The following PID1 variants were observed in gnomAD, a reference collection of about 807,000 sequenced individuals.
The protein encoded by PID1 is PTB-containing, cubilin and LRP1-interacting protein.
Under a neutral mutation model 19.1 loss-of-function variants are expected in PID1, and 10 were observed. The ratio of observed to expected loss-of-function variants is 0.52; its 90% CI spans 0.32 to 0.89. The LOEUF (loss-of-function observed/expected upper bound fraction) is 0.89. Among genes scored for constraint, PID1 ranks in the 40% least tolerant of loss-of-function variants. The pLI is 0.03. For missense variants in PID1, 248 were observed against 285.3 expected (o/e 0.87, Z 0.94); for synonymous variants, 130 against 116.0 (o/e 1.12, Z -0.78).
At chr2:229,176,683 C>G (rs1260988797) in intron 1 of PID1, among the ~76,000 whole-genome samples, 1 of 152,122 alleles carries the variant, frequency 6.6e-6, no homozygotes, top group Non-Finnish European at 1.5e-5. Context: ...CCTATGCTCC[C>G]AAATATTTCA....
At chr2:229,212,998 G>A (rs1035864489) in intron 1 of PID1, among the ~76,000 whole-genome samples, 5 of 152,016 alleles carry the variant, frequency 3.3e-5, no homozygotes, top group African/African-American at 1.2e-4. Flanking sequence ...AATTAATGAT[G>A]CTAGAGGAAG....
chr2:229,141,417 T>C (rs1429518779), intron 2 of PID1, among the ~76,000 whole-genome samples: 1 of 152,118 alleles, frequency 6.6e-6, no homozygotes, highest in South Asian at 2.1e-4. Context: ...AAGGGACTTT[T>C]ATCCACAAGC....
intron 1 of PID1, among the ~76,000 whole-genome samples, chr2:229,188,905 A>G (rs1276939827): frequency 6.6e-6 from 1 of 152,178 alleles, no homozygotes; most frequent in East Asian, 1.9e-4. Context: ...CTTTTTAAAT[A>G]TCTATATAAA....
At chr2:229,028,200 C>CTTGCATATACATAATGAG (rs1381398711) in intron 2 of PID1, among the ~76,000 whole-genome samples, 1 of 152,188 alleles carries the variant, frequency 6.6e-6, no homozygotes, top group Non-Finnish European at 1.5e-5. Context: ...TGTTGGAATA[C>CTTGCATATACATAATGAG]TTGCATATAC....
chr2:229,159,825 G>A (rs577628236), intron 1 of PID1, among the ~76,000 whole-genome samples: 5 of 152,110 alleles, frequency 3.3e-5, no homozygotes, highest in East Asian at 3.9e-4. Context: ...CAGAAACTTC[G>A]TAATCTGGAA....
At chr2:229,107,705 T>C (rs6759815) in intron 2 of PID1, among the ~76,000 whole-genome samples, 53,873 of 151,988 alleles carry the variant, frequency 0.35, 10,631 homozygotes, top group Middle Eastern at 0.51. Flanking sequence ...GAAAATAATT[T>C]GGCTTTAAAG....
chr2:229,075,345 A>G (rs888228567), intron 2 of PID1, among the ~76,000 whole-genome samples: 4 of 152,228 alleles, frequency 2.6e-5, no homozygotes, highest in East Asian at 1.9e-4. Flanking sequence ...TTTTATCTAC[A>G]TTAGTATTCT....
intron 1 of PID1, among the ~76,000 whole-genome samples, chr2:229,254,107 T>C (rs542684331): frequency 3.1e-4 from 47 of 152,242 alleles, no homozygotes; most frequent in African/African-American, 1.1e-3. Flanking sequence ...CAATCTAGTT[T>C]GGGTCACACA....
chr2:229,036,881 T>C (rs979756681), intron 2 of PID1, among the ~76,000 whole-genome samples: 7 of 152,254 alleles, frequency 4.6e-5, no homozygotes, highest in Non-Finnish European at 1.0e-4. Flanking sequence ...AATGTCTGCT[T>C]AGCCAGGTTA....
In PID1 at chr2:229,046,981, A is replaced by G. The variant is rs561484841; in HGVS notation, c.178-20873T>C. ...AAATAATGTGGCAAGATCTCCTACC[A>G]TCTTGATAGCTGCAAAATAGCTCCC... On this transcript the variant is annotated intron_variant, in intron 2 of 2. Coordinates refer to ENST00000392055, the MANE Select transcript of PID1 (RefSeq NM_001100818.2). Among the ~76,000 whole-genome samples, 6 of 152,310 alleles carry G rather than the reference A, an allele frequency of 3.9e-5. No homozygotes were observed. In the South Asian group the frequency reaches 1.2e-3, roughly 32 times the overall value.
chr2:229,033,984 C>A (rs1210840515), intron 2 of PID1, among the ~76,000 whole-genome samples: 1 of 152,164 alleles, frequency 6.6e-6, no homozygotes, highest in Non-Finnish European at 1.5e-5. Flanking sequence ...TTCTTGCTGG[C>A]CACAGAGGCA....
At position 229,064,438 on chromosome 2, in the gene PID1, T is replaced by C. The variant is rs1185504241; in HGVS notation, c.178-38330A>G. Among the ~76,000 whole-genome samples the C allele has an allele frequency of 4.6e-5, 7 of 152,156 alleles. No homozygotes were observed. The East Asian group carries it at 1.3e-3, about 29-fold the overall frequency. On this transcript the variant is annotated intron_variant, in intron 2 of 2. Coordinates refer to ENST00000392055, the MANE Select transcript of PID1 (RefSeq NM_001100818.2). ...AATTAAGTTTTGGATGAGATGAGTTTGTTTATCAGCCATGAAGTTTAGGGC... is the reference window on the plus strand; with the variant it reads ...AATTAAGTTTTGGATGAGATGAGTTCGTTTATCAGCCATGAAGTTTAGGGC...
intron 1 of PID1, among the ~76,000 whole-genome samples, chr2:229,194,788 G>C (rs1388298266): frequency 1.3e-5 from 2 of 151,850 alleles, no homozygotes; most frequent in Non-Finnish European, 2.9e-5. Flanking sequence ...CTGCCTGATA[G>C]GATATTTTAG....
At chr2:229,233,579 C>T (rs1482964525) in intron 1 of PID1, among the ~76,000 whole-genome samples, 1 of 151,968 alleles carries the variant, frequency 6.6e-6, no homozygotes, top group Admixed American at 6.6e-5. Context: ...GCAACCTCCA[C>T]CTCCCGGGTT....
chr2:229,243,032 C>T (rs10445741), intron 1 of PID1, among the ~76,000 whole-genome samples: 71,122 of 151,858 alleles, frequency 0.47, 17,021 homozygotes, highest in African/African-American at 0.52. Context: ...AAGATATACC[C>T]AAGACTGGGC....
At chr2:229,193,669 T>C (rs957437529) in intron 1 of PID1, among the ~76,000 whole-genome samples, 2 of 151,998 alleles carry the variant, frequency 1.3e-5, no homozygotes, top group Non-Finnish European at 2.9e-5. Context: ...TTATGTCGTG[T>C]GTGTGAGTGT....
At chr2:229,227,800 C>T (rs1419943) in intron 1 of PID1, among the ~76,000 whole-genome samples, 41,850 of 151,840 alleles carry the variant, frequency 0.28, 6,543 homozygotes, top group East Asian at 0.65. Context: ...TGAACAGGTA[C>T]AGACTTTTTT....
intron 1 of PID1, among the ~76,000 whole-genome samples, chr2:229,218,288 C>A (rs1691890140): frequency 1.9e-5 from 1 of 53,816 alleles, no homozygotes; most frequent in Non-Finnish European, 3.3e-5. Context: ...ATTTTGTTTC[C>A]TGAGCAAAAA....
At chr2:229,227,163 C>G (rs2106263538) in intron 1 of PID1, among the ~76,000 whole-genome samples, 1 of 152,302 alleles carries the variant, frequency 6.6e-6, no homozygotes, top group South Asian at 2.1e-4. Flanking sequence ...GTCAACCTTC[C>G]TCTCCTCGAT....
Sources: gnomAD v4.1 joint callset for allele counts (sites outside exome capture counted in the v4.1 genomes callset) on GRCh38, gnomAD v4.1.1 for gene constraint, MANE v1.5 for transcripts, NCBI Gene and HGNC (gene_info 2026-07-23, HGNC 2026-07-21) for gene names.